Variants in VRK2 observed in about 807,000 individuals in gnomAD.
The protein encoded by VRK2 is serine/threonine-protein kinase VRK2.
Under a neutral mutation model 57.6 loss-of-function variants are expected in VRK2, and 60 were observed. The ratio of observed to expected loss-of-function variants is 1.04; its 90% CI spans 0.85 to 1.29. The LOEUF (loss-of-function observed/expected upper bound fraction) is 1.29, where lower values mean the gene tolerates loss of function less well. Ranked by LOEUF, VRK2 falls within the 50% of genes most tolerant of loss-of-function variation. The pLI, the probability that VRK2 is intolerant of heterozygous loss-of-function variation, is 0.00. For missense variants in VRK2, 705 were observed against 588.1 expected (o/e 1.20, Z -2.06); for synonymous variants, 231 against 199.2 (o/e 1.16, Z -1.35).
At chr2:58,140,578 A>G (rs1681189484) in intron 11 of VRK2, among the ~76,000 whole-genome samples, 1 of 151,916 alleles carries the variant, frequency 6.6e-6, no homozygotes, top group East Asian at 1.9e-4. Context: ...TTCATTTTTA[A>G]TATTTCTTAT....
intron 2 of VRK2, among the ~76,000 whole-genome samples, chr2:58,026,547 A>T (rs926397883): frequency 6.6e-6 from 1 of 152,158 alleles, no homozygotes; most frequent in East Asian, 1.9e-4. Context: ...TGGCACGTGT[A>T]GCATTTTAAA....
chr2:58,045,693 T>A (rs1375034975), upstream of VRK2, among the ~76,000 whole-genome samples: 1 of 151,768 alleles, frequency 6.6e-6, no homozygotes, highest in Non-Finnish European at 1.5e-5. Flanking sequence ...AATTCCTTAT[T>A]CTATCAAAGT....
At chr2:57,996,757 G>C (rs1011918346) in intron 1 of VRK2, among the ~76,000 whole-genome samples, 3 of 151,820 alleles carry the variant, frequency 2.0e-5, no homozygotes, top group Admixed American at 6.6e-5. Flanking sequence ...AGATGTATAA[G>C]TCCCTTGTAT....
chr2:58,100,189 C>T (rs1487794071), intron 7 of VRK2, among the ~76,000 whole-genome samples: 3 of 151,898 alleles, frequency 2.0e-5, no homozygotes, highest in African/African-American at 7.2e-5. Flanking sequence ...TAACACAATC[C>T]ATTTATCAAT....
intron 2 of VRK2, among the ~76,000 whole-genome samples, chr2:58,082,961 G>A (rs1020565590): frequency 1.3e-5 from 2 of 151,676 alleles, no homozygotes; most frequent in Non-Finnish European, 3.0e-5. Context: ...TATCTAAGAT[G>A]TGAATTAATG....
intron 1 of VRK2, among the ~76,000 whole-genome samples, chr2:57,939,583 A>C (rs1671026861): frequency 6.6e-6 from 1 of 152,218 alleles, no homozygotes; most frequent in Non-Finnish European, 1.5e-5. Context: ...TTTTCCACAA[A>C]AAGCATATAG....
At chr2:58,085,026 C>A in intron 4 of VRK2, 76 bp downstream of exon 4, 1 of 1,336,006 alleles carries the variant, frequency 7.5e-7, no homozygotes, top group Admixed American at 2.8e-5. Context: ...TGGTCTTTTT[C>A]TGGCCTTCTG....
intron 9 of VRK2, among the ~76,000 whole-genome samples, chr2:58,134,334 G>A (rs538276007): frequency 1.3e-4 from 20 of 152,252 alleles, no homozygotes; most frequent in South Asian, 4.1e-4. Context: ...ATATGGGGCC[G>A]GGCGCGGTGG....
chr2:58,054,563 TAAGG>T (rs979149496), intron 2 of VRK2, among the ~76,000 whole-genome samples: 2 of 152,080 alleles, frequency 1.3e-5, no homozygotes, highest in African/African-American at 4.8e-5. Flanking sequence ...TTTCTTTAGA[TAAGG>T]AAGAAGAGGA....
At chr2:58,075,214 G>C (rs1418014704) in intron 2 of VRK2, among the ~76,000 whole-genome samples, 1 of 152,012 alleles carries the variant, frequency 6.6e-6, no homozygotes, top group Non-Finnish European at 1.5e-5. Flanking sequence ...TTGCGGCAAA[G>C]GACACGATCT....
At chr2:58,073,811 G>A (rs984893150) in intron 2 of VRK2, among the ~76,000 whole-genome samples, 4 of 151,874 alleles carry the variant, frequency 2.6e-5, no homozygotes, top group African/African-American at 4.8e-5. Flanking sequence ...TTGGATGTTC[G>A]AGGGCAGGAA....
intron 2 of VRK2, among the ~76,000 whole-genome samples, chr2:58,068,060 G>A: frequency 6.6e-6 from 1 of 151,922 alleles, no homozygotes; most frequent in Non-Finnish European, 1.5e-5. Flanking sequence ...CTCTCAAGTA[G>A]CTGGCACTAC....
chr2:57,958,553 G>A (rs951942808), intron 1 of VRK2, among the ~76,000 whole-genome samples: 8 of 151,708 alleles, frequency 5.3e-5, no homozygotes, highest in African/African-American at 1.9e-4. Flanking sequence ...TCGAAACGAT[G>A]TTGTTTTCTA....
At chr2:58,011,191 G>A (rs1673407829) in intron 1 of VRK2, among the ~76,000 whole-genome samples, 1 of 152,190 alleles carries the variant, frequency 6.6e-6, no homozygotes, top group Non-Finnish European at 1.5e-5. Flanking sequence ...TTTGCATTAA[G>A]AGCAGCAACT....
At chr2:57,947,449 A>C (rs559103065) in intron 1 of VRK2, among the ~76,000 whole-genome samples, 1 of 152,322 alleles carries the variant, frequency 6.6e-6, no homozygotes, top group African/African-American at 2.4e-5. Context: ...TCTTAACCTC[A>C]CAAACTTATG....
intron 3 of VRK2, among the ~76,000 whole-genome samples, chr2:58,034,572 C>T (rs1403144671): frequency 2.0e-5 from 3 of 151,994 alleles, no homozygotes; most frequent in Non-Finnish European, 4.4e-5. Context: ...TGTTTTATTA[C>T]ATTCTCCCTC....
At chr2:57,926,998 T>TTGTGTGTGTGTGTG (rs57943937) in intron 1 of VRK2, among the ~76,000 whole-genome samples, 16,252 of 141,918 alleles carry the variant, frequency 0.11, 1,240 homozygotes, top group East Asian at 0.17. Flanking sequence ...TTTTAATTTC[T>TTGTGTGTGTGTGTG]TGTGTGTGTG....
At chr2:58,036,683 A>G (rs1558552574) in intron 3 of VRK2, among the ~76,000 whole-genome samples, 1 of 152,026 alleles carries the variant, frequency 6.6e-6, no homozygotes. Context: ...TAAAGAATAG[A>G]CCATTCTCAT....
chr2:58,074,548 A>G (rs1669816578), intron 2 of VRK2, among the ~76,000 whole-genome samples: 1 of 152,126 alleles, frequency 6.6e-6, no homozygotes, highest in Admixed American at 6.6e-5. Flanking sequence ...CTACTTCACA[A>G]TTAGTGCAGG....
Sources: gnomAD v4.1 joint callset for allele counts (sites outside exome capture counted in the v4.1 genomes callset) on GRCh38, gnomAD v4.1.1 for gene constraint, MANE v1.5 for transcripts, NCBI Gene and HGNC (gene_info 2026-07-23, HGNC 2026-07-21) for gene names.